Variants in HCRTR2 observed in about 807,000 individuals in gnomAD.
HCRTR2 encodes hypocretin receptor 2.
Under a neutral mutation model 49.0 loss-of-function variants are expected in HCRTR2, and 22 were observed. The observed-to-expected ratio is 0.45, with a 90% CI of 0.32 to 0.64. The LOEUF (loss-of-function observed/expected upper bound fraction) is 0.64. Ranked by LOEUF, HCRTR2 falls within the 30% of genes least tolerant of loss-of-function variation. HCRTR2 has a pLI of 0.04. For synonymous variants in HCRTR2, 236 were observed against 205.3 expected (o/e 1.15, Z -1.28); for missense variants, 491 against 559.4 (o/e 0.88, Z 1.23).
In HCRTR2 at chr6:55,213,779, G is replaced by C. The variant is rs1019186855; in HGVS notation, c.224-34860G>C. Among the ~76,000 whole-genome samples, 3 of 152,252 alleles carry C rather than the reference G, an allele frequency of 2.0e-5. No individual in the cohort carries two copies. The East Asian group carries it at 5.8e-4, about 29-fold the overall frequency. ...GCTTCCGTCATGCCTAAATACAAGTGCTAATTGGGAAGTCCACAATGTTGG... is the reference window on the plus strand; with the variant it reads ...GCTTCCGTCATGCCTAAATACAAGTCCTAATTGGGAAGTCCACAATGTTGG... On this transcript the variant is annotated intron_variant, in intron 1 of 6. Coordinates refer to ENST00000370862, the MANE Select transcript of HCRTR2 (RefSeq NM_001384272.1).
intron 1 of HCRTR2, among the ~76,000 whole-genome samples, chr6:55,224,353 C>T (rs995923545): frequency 6.6e-6 from 1 of 152,090 alleles, no homozygotes; most frequent in Non-Finnish European, 1.5e-5. Context: ...TGCGGTGGCT[C>T]ACGCCTGTAA....
At chr6:55,201,089 G>C (rs1227500664) in intron 1 of HCRTR2, among the ~76,000 whole-genome samples, 1 of 152,066 alleles carries the variant, frequency 6.6e-6, no homozygotes, top group Admixed American at 6.6e-5. Flanking sequence ...AGGTAGACCT[G>C]TTTGGTAGGT....
intron 1 of HCRTR2, among the ~76,000 whole-genome samples, chr6:55,117,091 C>A (rs1032208836): frequency 2.0e-5 from 3 of 151,890 alleles, no homozygotes; most frequent in African/African-American, 7.2e-5. Flanking sequence ...AAAGCTAAGT[C>A]ATGATAATTA....
chr6:55,196,535 A>T (rs1412901277), intron 1 of HCRTR2, among the ~76,000 whole-genome samples: 2 of 152,172 alleles, frequency 1.3e-5, no homozygotes, highest in Non-Finnish European at 2.9e-5. Flanking sequence ...ACACAAAATG[A>T]TGGAGAGAAC....
intron 1 of HCRTR2, among the ~76,000 whole-genome samples, chr6:55,156,082 T>C (rs1764726763): frequency 6.6e-6 from 1 of 151,828 alleles, no homozygotes; most frequent in Non-Finnish European, 1.5e-5. Flanking sequence ...AGTGCTTAGG[T>C]TTCATGCACT....
intron 1 of HCRTR2, among the ~76,000 whole-genome samples, chr6:55,144,945 C>T (rs960950179): frequency 2.0e-5 from 3 of 152,134 alleles, no homozygotes; most frequent in Admixed American, 6.5e-5. Context: ...CGTGTTCTCC[C>T]TATTCAAACT....
intron 1 of HCRTR2, among the ~76,000 whole-genome samples, chr6:55,109,385 C>T (rs187538429): frequency 1.3e-5 from 2 of 152,002 alleles, no homozygotes; most frequent in Non-Finnish European, 2.9e-5. Flanking sequence ...ATCTGAATTG[C>T]CAGAAAAAGA....
At chr6:55,125,275 G>A (rs954301039) in intron 1 of HCRTR2, among the ~76,000 whole-genome samples, 9 of 152,074 alleles carry the variant, frequency 5.9e-5, no homozygotes, top group South Asian at 2.1e-4. Context: ...TATGTTTAGC[G>A]CTTCCTTCAG....
intron 1 of HCRTR2, among the ~76,000 whole-genome samples, chr6:55,191,143 T>A (rs1158617543): frequency 6.6e-6 from 1 of 152,180 alleles, no homozygotes; most frequent in Admixed American, 6.5e-5. Flanking sequence ...CCAAAAAGTT[T>A]TCCTAGTAAC....
chr6:55,211,443 G>A (rs1380500386), intron 1 of HCRTR2, among the ~76,000 whole-genome samples: 8 of 152,080 alleles, frequency 5.3e-5, no homozygotes, highest in Non-Finnish European at 5.9e-5. Flanking sequence ...TCTGGAAAAG[G>A]CATATTCTGT....
intron 3 of HCRTR2, among the ~76,000 whole-genome samples, chr6:55,259,150 A>G (rs1766707831): frequency 6.6e-6 from 1 of 152,108 alleles, no homozygotes; most frequent in Non-Finnish European, 1.5e-5. Flanking sequence ...CCCTTGGTCA[A>G]TTGTTCTGGA....
chr6:55,230,079 A>G (rs1201050645), intron 1 of HCRTR2, among the ~76,000 whole-genome samples: 4 of 152,224 alleles, frequency 2.6e-5, no homozygotes, highest in Non-Finnish European at 5.9e-5. Context: ...GGCACCAACC[A>G]GCAATACTCT....
intron 1 of HCRTR2, among the ~76,000 whole-genome samples, chr6:55,223,139 T>C (rs1765930432): frequency 6.6e-6 from 1 of 152,202 alleles, no homozygotes; most frequent in African/African-American, 2.4e-5. Context: ...TTTTAGTTTG[T>C]TTCCCATTTT....
Position 55,255,315 on chromosome 6 carries a change from C to T in HCRTR2, c.582C>T (p.Ser194=), listed in dbSNP as rs200998293. The T allele has an allele frequency of 5.7e-5, 92 of 1,613,896 alleles. No individual in the cohort carries two copies. Among genetic ancestry groups the T allele is most frequent in the Non-Finnish European group, 7.7e-5 (91 of 1,179,948 alleles). Residue 194 remains serine, a synonymous_variant, in exon 3 of 7, where the codon AGC becomes AGT. Transcript: ENST00000370862. ...CTCAGGCCATCGTCATGGAGTGCAG[C>T]ACCGTGTTCCCAGGCTTAGCCAATA... ...MIPQAIVMEC[S]TVFPGLANKT... is the part of the protein sequence containing the mutation.
intron 1 of HCRTR2, among the ~76,000 whole-genome samples, chr6:55,244,936 C>T (rs912074945): frequency 6.6e-6 from 1 of 151,848 alleles, no homozygotes; most frequent in African/African-American, 2.4e-5. Flanking sequence ...CCCAGTGTCT[C>T]TTTTTGTTGA....
chr6:55,218,353 T>C (rs769847558), intron 1 of HCRTR2, among the ~76,000 whole-genome samples: 8 of 152,074 alleles, frequency 5.3e-5, no homozygotes, highest in Non-Finnish European at 8.8e-5. Context: ...AAAATACAGA[T>C]AAAAGTGCTA....
chr6:55,262,045 A>G (rs1259287569), intron 3 of HCRTR2, among the ~76,000 whole-genome samples: 1 of 152,008 alleles, frequency 6.6e-6, no homozygotes, highest in Non-Finnish European at 1.5e-5. Context: ...CAAACAACAT[A>G]TGTTCTCACT....
intron 1 of HCRTR2, among the ~76,000 whole-genome samples, chr6:55,145,193 A>G (rs1418171299): frequency 1.3e-5 from 2 of 152,260 alleles, no homozygotes; most frequent in East Asian, 3.9e-4. Flanking sequence ...CAATTGTGTA[A>G]CAGACCCTAA....
At chr6:55,172,074 T>C (rs1239224720), upstream of HCRTR2, among the ~76,000 whole-genome samples, 1 of 152,170 alleles carries the variant, frequency 6.6e-6, no homozygotes, top group Non-Finnish European at 1.5e-5. Flanking sequence ...CCGATGAACT[T>C]GAACAAAGCC....
Sources: gnomAD v4.1 joint callset for allele counts (sites outside exome capture counted in the v4.1 genomes callset) on GRCh38, gnomAD v4.1.1 for gene constraint, MANE v1.5 for transcripts, NCBI Gene and HGNC (gene_info 2026-07-23, HGNC 2026-07-21) for gene names.